The following DMD variants were observed in gnomAD, a reference collection of about 807,000 sequenced individuals.
The protein encoded by DMD is dystrophin.
A neutral mutation model predicts 330.1 loss-of-function variants in DMD; 63 were observed. The observed-to-expected ratio is 0.19, with a 90% CI of 0.16 to 0.24. The LOEUF is 0.24. DMD is among the 10% of genes least tolerant of loss of function. The pLI is 1.00. For synonymous variants in DMD, 1,223 were observed against 959.8 expected, an observed-to-expected ratio of 1.27 and a Z score of -5.07; for missense variants, 3,344 against 2,684.1, an observed-to-expected ratio of 1.25 and a Z score of -5.43.
In DMD at chrX:32,816,824, C is replaced by T. The variant is rs529486019; in HGVS notation, c.358-184G>A. Among the ~76,000 whole-genome samples the T allele has an allele frequency of 5.0e-4, 56 of 111,647 alleles. No individual in the cohort carries two copies. The South Asian group carries it at 0.019, about 39-fold the overall frequency. ...CAAAGGCTAGGAGTCTATTCTGATT[C>T]ATTGGTATCTATGCCATACCATTTA... On this transcript the variant is annotated intron_variant, in intron 5 of 78. Transcript: ENST00000357033.
At chrX:31,173,645 T>C (rs1286002431) in intron 71 of DMD, 41 bp from the exon 72 acceptor site, 1 of 1,159,481 alleles carries the variant, frequency 8.6e-7, no homozygotes, top group African/African-American at 1.8e-5. Flanking sequence ...ATACCATCCA[T>C]TAATGGAGAA....
At chrX:33,300,038 G>A (rs184594238) in intron 1 of DMD, among the ~76,000 whole-genome samples, 69 of 111,995 alleles carry the variant, frequency 6.2e-4, no homozygotes, top group Non-Finnish European at 1.1e-3. Flanking sequence ...TTGTGGTCAC[G>A]CCTTAGCAAG....
At chrX:32,966,981 G>A (rs2092183135) in intron 2 of DMD, among the ~76,000 whole-genome samples, 1 of 111,911 alleles carries the variant, frequency 8.9e-6, no homozygotes, top group Non-Finnish European at 1.9e-5. Flanking sequence ...GATTACACAG[G>A]TTCATAATGC....
intron 4 of DMD, among the ~76,000 whole-genome samples, chrX:32,841,623 G>A (rs1288107427): frequency 8.9e-6 from 1 of 111,939 alleles, no homozygotes; most frequent in African/African-American, 3.2e-5. Context: ...AATAAATGGT[G>A]TGTTAATTAG....
In DMD at chrX:32,448,940, G is replaced by C. The variant is rs1370075071; in HGVS notation, c.3604-302C>G. On this transcript the variant is annotated intron_variant, in intron 26 of 78. Transcript: ENST00000357033. ...CACATTGATATAAATACAATTGTTTGGAAAAGGCAAGAAACAAATATTTCA... is the reference window on the plus strand; with the variant it reads ...CACATTGATATAAATACAATTGTTTCGAAAAGGCAAGAAACAAATATTTCA... Among the ~76,000 whole-genome samples the C allele has an allele frequency of 1.3e-4, 14 of 110,499 alleles. No individual in the cohort carries two copies. In the Admixed American group the frequency reaches 1.3e-3, roughly 11 times the overall value.
chrX:32,881,824 C>G (rs1469921495), intron 2 of DMD, among the ~76,000 whole-genome samples: 1 of 111,495 alleles, frequency 9.0e-6, no homozygotes, highest in Non-Finnish European at 1.9e-5. Flanking sequence ...CCCTACTTTG[C>G]AACGCTGAGG....
chrX:32,294,010 A>T (rs1456708157), intron 42 of DMD, among the ~76,000 whole-genome samples: 16 of 111,447 alleles, frequency 1.4e-4, no homozygotes, highest in Non-Finnish European at 3.0e-4. Flanking sequence ...GTTTAGGGCT[A>T]CTCCGCTAGC....
At chrX:31,131,700 G>T (rs746728377) in intron 77 of DMD, among the ~76,000 whole-genome samples, 4 of 111,205 alleles carry the variant, frequency 3.6e-5, no homozygotes, top group Non-Finnish European at 7.6e-5. Flanking sequence ...CAAACTTGAC[G>T]GTATATGTGT....
At chrX:31,289,046 G>A (rs1172348640) in intron 62 of DMD, among the ~76,000 whole-genome samples, 2 of 108,183 alleles carry the variant, frequency 1.8e-5, no homozygotes, top group Non-Finnish European at 3.8e-5. Context: ...TTGGGAGGTC[G>A]AGGCGGGTGG....
At chrX:32,999,663 C>A (rs1269898896) in intron 2 of DMD, among the ~76,000 whole-genome samples, 1 of 110,752 alleles carries the variant, frequency 9.0e-6, no homozygotes, top group East Asian at 2.9e-4. Flanking sequence ...GTAGTCCCAG[C>A]TACTCAGGAG....
intron 1 of DMD, among the ~76,000 whole-genome samples, chrX:33,287,056 A>T (rs2053444132): frequency 8.9e-6 from 1 of 111,896 alleles, no homozygotes; most frequent in Non-Finnish European, 1.9e-5. Context: ...GGACTGTGAC[A>T]TGAGCAAACA....
chrX:32,454,529 AT>A lies in DMD; in HGVS notation c.3603+132del. On this transcript the variant is annotated intron_variant, in intron 26 of 78. Transcript: ENST00000357033. ...TTAAACTTGAAGCTAAATTAAAATT[AT>A]TAATTAAAAATCAACCTCTTCTCTT... 2.2e-5 allele frequency: 11 copies of A among 505,088 alleles called. No homozygotes were observed. In the South Asian group the frequency reaches 3.9e-4, roughly 18 times the overall value. The allele number at this position is 505,088 out of a possible 1,213,427, so 41.6% of individuals were successfully genotyped here. A position where few individuals can be genotyped will look rare whatever the true frequency, so the allele number is the denominator to read the frequency against.
intron 76 of DMD, 46 bp downstream of exon 76, chrX:31,146,245 T>C: frequency 8.3e-7 from 1 of 1,199,329 alleles, no homozygotes; most frequent in Non-Finnish European, 1.1e-6. Context: ...AATACGACTC[T>C]ACCTTTCTTC....
At chrX:31,819,922 G>T in intron 50 of DMD, 53 bp downstream of exon 50, 1 of 996,568 alleles carries the variant, frequency 1.0e-6, no homozygotes, top group Non-Finnish European at 1.4e-6. Flanking sequence ...CTTCATAGTT[G>T]CACTTTTGAA....
At chrX:32,786,553 A>G (rs1179384497) in intron 7 of DMD, among the ~76,000 whole-genome samples, 1 of 111,992 alleles carries the variant, frequency 8.9e-6, no homozygotes, top group Middle Eastern at 4.7e-3. Context: ...CATAGTAAAA[A>G]GAATTCAGTA....
chrX:33,322,340 T>G (rs1396182039), intron 1 of DMD, among the ~76,000 whole-genome samples: 1 of 104,886 alleles, frequency 9.5e-6, no homozygotes, highest in Non-Finnish European at 1.9e-5. Context: ...ATTTCAATAT[T>G]GGTTTGTCTC....
Position 31,663,234 on chromosome X carries a change from C to T in DMD, c.7873-5090G>A, listed in dbSNP as rs141897803. ...GGCTGCTCCCTCTGTAATTCCATTA[C>T]CTGCTGTGCAGACCTTACATTGGGT... On this transcript the variant is annotated intron_variant, in intron 53 of 78. Transcript: ENST00000357033. Among the ~76,000 whole-genome samples, 1,011 of 111,787 alleles carry T rather than the reference C, an allele frequency of 9.0e-3. 4 individuals carry two copies. Among genetic ancestry groups the T allele is most frequent in the Middle Eastern group, 0.018 (4 of 219 alleles).
At chrX:31,298,767 G>A (rs930165280) in intron 62 of DMD, among the ~76,000 whole-genome samples, 1 of 111,780 alleles carries the variant, frequency 8.9e-6, no homozygotes, top group Non-Finnish European at 1.9e-5. Context: ...CAGGTCAGAC[G>A]TGTACAGCTG....
chrX:32,513,129 G>A (rs1470192418), intron 18 of DMD, among the ~76,000 whole-genome samples: 3 of 111,672 alleles, frequency 2.7e-5, no homozygotes, highest in Admixed American at 1.9e-4. Context: ...CACAACCATA[G>A]CGTGTCCCTG....
Sources: gnomAD v4.1 joint callset for allele counts (sites outside exome capture counted in the v4.1 genomes callset) on GRCh38, gnomAD v4.1.1 for gene constraint, MANE v1.5 for transcripts, NCBI Gene and HGNC (gene_info 2026-07-23, HGNC 2026-07-21) for gene names.